Variants in CORO2B observed in about 807,000 individuals in gnomAD.
The protein encoded by CORO2B is coronin-2B.
In CORO2B, 26 loss-of-function variants were observed where a neutral mutation model predicts 58.8. The observed-to-expected ratio is 0.44, with a 90% CI of 0.32 to 0.61. CORO2B has a LOEUF of 0.61. Among genes scored for constraint, CORO2B ranks in the 20% least tolerant of loss-of-function variants. The probability of loss-of-function intolerance (pLI) is 0.04; values close to 1 mark genes in which losing one functional copy is unlikely to be tolerated. For missense variants in CORO2B, 460 were observed against 645.1 expected (o/e 0.71, Z 3.11); for synonymous variants, 242 against 253.8 (o/e 0.95, Z 0.44).
chr15:68,556,237 G>A, the CORO2B span, among the ~76,000 whole-genome samples: 245 of 152,304 alleles, frequency 1.6e-3, 3 homozygotes, highest in Middle Eastern at 3.4e-3. Flanking sequence ...GGTGATGAGC[G>A]CTGGGGCCAC....
Position 68,711,726 on chromosome 15 carries a change from G to A in CORO2B, c.648+20G>A. 6.2e-7 allele frequency: 1 copy of A among 1,613,540 alleles called. No individual in the cohort carries two copies. The highest frequency in any genetic ancestry group is 8.5e-7 in the Non-Finnish European group (1 of 1,179,828). On this transcript the variant is annotated intron_variant, in intron 5 of 11. Transcript: ENST00000261861. ...CTGCAGGTGGAACCCTACATTTTTT[G>A]AGATTGAAGGGGAAGGTATTGAGGG...
intron 11 of CORO2B, among the ~76,000 whole-genome samples, chr15:68,722,069 A>G (rs1893175226): frequency 6.6e-6 from 1 of 152,192 alleles, no homozygotes; most frequent in African/African-American, 2.4e-5. Flanking sequence ...TTGTTTTTAA[A>G]AGAACTCTAC....
intron 3 of CORO2B, among the ~76,000 whole-genome samples, chr15:68,703,027 A>G (rs547701409): frequency 6.6e-6 from 1 of 150,828 alleles, no homozygotes; most frequent in African/African-American, 2.4e-5. Context: ...GGGTTTCACC[A>G]TGTTGGCCAG....
At chr15:68,567,601 G>A in the CORO2B span, among the ~76,000 whole-genome samples, 1 of 152,228 alleles carries the variant, frequency 6.6e-6, no homozygotes, top group Non-Finnish European at 1.5e-5. Context: ...TGCAGGAAGA[G>A]ACAGGTCAGC....
chr15:68,718,868 C>T, intron 9 of CORO2B, 58 bp downstream of exon 9: 1 of 1,395,894 alleles, frequency 7.2e-7, no homozygotes, highest in East Asian at 2.3e-5. Context: ...TTAGCCTGCT[C>T]ACCACTGACC....
intron 5 of CORO2B, 89 bp downstream of exon 5, chr15:68,711,795 C>A: frequency 2.0e-6 from 3 of 1,484,202 alleles, no homozygotes; most frequent in Non-Finnish European, 2.8e-6. Context: ...AAGGCTGTGC[C>A]AGCCCCCTTC....
intron 1 of CORO2B, among the ~76,000 whole-genome samples, chr15:68,613,410 G>A (rs969693821): frequency 1.3e-5 from 2 of 152,190 alleles, no homozygotes; most frequent in African/African-American, 4.8e-5. Flanking sequence ...CATCAAAATA[G>A]ATTGAACCTG....
At chr15:68,554,536 C>A in the CORO2B span, among the ~76,000 whole-genome samples, 6 of 152,126 alleles carry the variant, frequency 3.9e-5, no homozygotes, top group African/African-American at 1.4e-4. Context: ...GAAACGCACC[C>A]ATGTGAGGTC....
the CORO2B span, among the ~76,000 whole-genome samples, chr15:68,543,981 C>G: frequency 6.6e-6 from 1 of 152,194 alleles, no homozygotes. Flanking sequence ...TCTGCTGGAC[C>G]AGTCACGTGT....
chr15:68,593,542 C>T (rs1010515959), intron 1 of CORO2B, among the ~76,000 whole-genome samples: 1 of 152,150 alleles, frequency 6.6e-6, no homozygotes, highest in Non-Finnish European at 1.5e-5. Context: ...ACACTTGTGA[C>T]TGAGCTGGAA....
Position 68,645,450 on chromosome 15 carries a change from C to G in CORO2B, c.216+90C>G. 2 of 1,224,642 alleles carry G rather than the reference C, an allele frequency of 1.6e-6. No homozygotes were observed. The highest frequency in any genetic ancestry group is 2.3e-6 in the Non-Finnish European group (2 of 877,696). 75.9% of individuals were successfully genotyped at this position (1,224,642 alleles called of 1,614,324 possible). A position where few individuals can be genotyped will look rare whatever the true frequency, so the allele number is the denominator to read the frequency against. ...TCTTAGGCCTGTTGACCCTACTTCT[C>G]TCTGAGTTCCCACCTTTTACTTCCT... On this transcript the variant is annotated intron_variant, in intron 2 of 11. Coordinates refer to ENST00000261861, the MANE Select transcript of CORO2B (RefSeq NM_006091.5). This position sits in a 1 kb window ranked among gnomAD's most constrained non-coding sequence, Gnocchi z 4.5.
chr15:68,677,798 A>T (rs1375858230), intron 2 of CORO2B, among the ~76,000 whole-genome samples: 1 of 151,930 alleles, frequency 6.6e-6, no homozygotes, highest in Non-Finnish European at 1.5e-5. Flanking sequence ...CCCTCTCCTG[A>T]TATGTCTGTT....
At chr15:68,639,924 C>T (rs1213792734) in intron 1 of CORO2B, among the ~76,000 whole-genome samples, 3 of 152,178 alleles carry the variant, frequency 2.0e-5, no homozygotes, top group Admixed American at 6.5e-5. Flanking sequence ...CTGGGCAGGG[C>T]TTTAAGGGTA....
At chr15:68,714,946 C>T (rs1034817226) in intron 7 of CORO2B, among the ~76,000 whole-genome samples, 2 of 152,148 alleles carry the variant, frequency 1.3e-5, no homozygotes, top group East Asian at 1.9e-4. Context: ...TTGAGATACC[C>T]GCCAGGAGAT....
intron 1 of CORO2B, among the ~76,000 whole-genome samples, chr15:68,633,402 G>A (rs1358433165): frequency 6.6e-6 from 1 of 152,012 alleles, no homozygotes; most frequent in Non-Finnish European, 1.5e-5. Context: ...GATTTCCTCA[G>A]TACCATTAAG....
chr15:68,530,369 C>CT, the CORO2B span, among the ~76,000 whole-genome samples: 13 of 151,938 alleles, frequency 8.6e-5, no homozygotes, highest in Non-Finnish European at 1.9e-4. Flanking sequence ...TATGCTGAAA[C>CT]TTTTTTATGG....
At chr15:68,689,305 G>T (rs573905688) in intron 2 of CORO2B, among the ~76,000 whole-genome samples, 50 of 151,836 alleles carry the variant, frequency 3.3e-4, no homozygotes, top group Non-Finnish European at 6.3e-4. Flanking sequence ...CTAACCAGAT[G>T]GCAGGTTAGA....
intron 2 of CORO2B, among the ~76,000 whole-genome samples, chr15:68,684,114 A>G (rs1902882160): frequency 6.6e-6 from 1 of 152,118 alleles, no homozygotes; most frequent in African/African-American, 2.4e-5. Flanking sequence ...AGGGAAGGAG[A>G]TAAACCAGTG....
chr15:68,678,331 C>T (rs750807067), intron 2 of CORO2B, among the ~76,000 whole-genome samples: 6 of 152,180 alleles, frequency 3.9e-5, no homozygotes, highest in Non-Finnish European at 8.8e-5. Context: ...CCCTTTCTCC[C>T]CTCCCTCACA....
Sources: gnomAD v4.1 joint callset for allele counts (sites outside exome capture counted in the v4.1 genomes callset) on GRCh38, gnomAD v4.1.1 for gene constraint, Gnocchi (gnomAD v3.1) non-coding constraint, MANE v1.5 for transcripts, NCBI Gene and HGNC (gene_info 2026-07-23, HGNC 2026-07-21) for gene names.